The following DTNBP1 variants were observed in gnomAD, a reference collection of about 807,000 sequenced individuals.
DTNBP1 encodes dystrobrevin binding protein 1.
A neutral mutation model predicts 42.8 loss-of-function variants in DTNBP1; 35 were observed. The observed-to-expected ratio is 0.82, with a 90% CI of 0.63 to 1.09. DTNBP1 has a LOEUF of 1.09. Ranked by LOEUF, DTNBP1 falls within the 50% of genes least tolerant of loss-of-function variation. The pLI is 0.00. For missense variants in DTNBP1, 457 were observed against 424.2 expected (o/e 1.08, Z -0.68); for synonymous variants, 171 against 162.2 (o/e 1.05, Z -0.41).
intron 3 of DTNBP1, among the ~76,000 whole-genome samples, chr6:15,639,226 G>A (rs1426397324): frequency 2.0e-5 from 3 of 152,024 alleles, no homozygotes; most frequent in Non-Finnish European, 1.5e-5. Context: ...ATTGTACTGT[G>A]GTTATATGAA....
intron 6 of DTNBP1, among the ~76,000 whole-genome samples, chr6:15,607,285 C>T (rs1758125005): frequency 6.6e-6 from 1 of 151,344 alleles, no homozygotes; most frequent in East Asian, 1.9e-4. Flanking sequence ...AGGCATGAGC[C>T]ACTGTGCCCG....
Position 15,522,888 on chromosome 6 carries a change from C to T in DTNBP1, c.*87G>A. ...GCAATTATGTAAAAATCAAGAACCT[C>T]TATAAAACAACCTGGCTTTCCAGGT... On this transcript the variant is annotated 3_prime_UTR_variant, in exon 10 of 10. Transcript: ENST00000344537. 6.2e-7 allele frequency: 1 copy of T among 1,611,250 alleles called. No individual in the cohort carries two copies. Among genetic ancestry groups the T allele is most frequent in the Non-Finnish European group, 8.5e-7 (1 of 1,178,628 alleles).
intron 7 of DTNBP1, among the ~76,000 whole-genome samples, chr6:15,574,379 G>A (rs1055418039): frequency 3.9e-5 from 6 of 152,200 alleles, no homozygotes; most frequent in African/African-American, 1.4e-4. Flanking sequence ...GTATATGCAG[G>A]AGTTGCCTGG....
intron 7 of DTNBP1, among the ~76,000 whole-genome samples, chr6:15,590,944 T>C (rs959527089): frequency 2.6e-5 from 4 of 152,140 alleles, no homozygotes; most frequent in Non-Finnish European, 4.4e-5. Flanking sequence ...AATAAAGCAA[T>C]TGGAGGAAGT....
intron 2 of DTNBP1, among the ~76,000 whole-genome samples, chr6:15,651,712 G>C (rs1277336229): frequency 1.3e-5 from 2 of 152,058 alleles, no homozygotes; most frequent in Non-Finnish European, 2.9e-5. Context: ...GCACAATCCT[G>C]GTGTTTTCAT....
intron 7 of DTNBP1, among the ~76,000 whole-genome samples, chr6:15,582,646 T>C (rs781688915): frequency 6.6e-6 from 1 of 152,228 alleles, no homozygotes; most frequent in Non-Finnish European, 1.5e-5. Context: ...TCTTATTACA[T>C]ATACTTTTAT....
intron 8 of DTNBP1, among the ~76,000 whole-genome samples, chr6:15,528,435 C>T (rs1279804356): frequency 6.6e-6 from 1 of 152,042 alleles, no homozygotes; most frequent in East Asian, 1.9e-4. Flanking sequence ...CCAAATGTCC[C>T]CTTGGGGGCA....
At chr6:15,525,572 G>A (rs190558094) in intron 8 of DTNBP1, among the ~76,000 whole-genome samples, 33 of 152,270 alleles carry the variant, frequency 2.2e-4, no homozygotes, top group South Asian at 2.1e-4. Flanking sequence ...TCACAGGAAA[G>A]GTGAAGTCAA....
At chr6:15,659,222 A>T (rs868394308) in intron 1 of DTNBP1, among the ~76,000 whole-genome samples, 4 of 152,334 alleles carry the variant, frequency 2.6e-5, no homozygotes, top group Middle Eastern at 3.4e-3. Context: ...AAAAAAAGTA[A>T]ATTTATCTAG....
intron 8 of DTNBP1, 103 bp downstream of exon 8, chr6:15,533,137 A>G: frequency 6.4e-7 from 1 of 1,558,406 alleles, no homozygotes; most frequent in Non-Finnish European, 8.7e-7. Flanking sequence ...ACAGAACGGA[A>G]CTTCTGAGGA....
At chr6:15,662,735 G>C in intron 1 of DTNBP1, 79 bp downstream of exon 1, 12 of 1,584,170 alleles carry the variant, frequency 7.6e-6, no homozygotes, top group Non-Finnish European at 1.0e-5. Flanking sequence ...CGTGGCGCGG[G>C]GAAGGGAGCG....
chr6:15,546,892 C>T (rs1420799077), intron 7 of DTNBP1, among the ~76,000 whole-genome samples: 1 of 151,518 alleles, frequency 6.6e-6, no homozygotes, highest in East Asian at 1.9e-4. Flanking sequence ...TGCTAAAATG[C>T]CGCATGAAAT....
chr6:15,627,658 C>T (rs982700640), intron 4 of DTNBP1, among the ~76,000 whole-genome samples, 183 bp from the exon 5 acceptor site: 1 of 152,148 alleles, frequency 6.6e-6, no homozygotes, highest in Middle Eastern at 3.4e-3. Context: ...ATATTCAGTG[C>T]AGGAAACCTC....
intron 6 of DTNBP1, among the ~76,000 whole-genome samples, chr6:15,613,452 C>T (rs545929422): frequency 2.9e-5 from 4 of 138,274 alleles, no homozygotes; most frequent in African/African-American, 5.3e-5. Flanking sequence ...CTGCAAGCTG[C>T]GCCTCCCGGG....
intron 7 of DTNBP1, among the ~76,000 whole-genome samples, chr6:15,558,345 C>A (rs926060475): frequency 2.6e-5 from 4 of 151,220 alleles, no homozygotes; most frequent in African/African-American, 7.3e-5. Flanking sequence ...CAGCTCACTG[C>A]AACCTCTGCC....
chr6:15,656,371 T>C (rs1418880583), intron 1 of DTNBP1, among the ~76,000 whole-genome samples: 2 of 152,172 alleles, frequency 1.3e-5, no homozygotes, highest in Admixed American at 1.3e-4. Context: ...GCACTAAACC[T>C]CAAATTCGTC....
chr6:15,604,364 A>G (rs16876671), intron 6 of DTNBP1, among the ~76,000 whole-genome samples: 19,205 of 152,178 alleles, frequency 0.13, 1,542 homozygotes, highest in African/African-American at 0.23. Flanking sequence ...GCAGAACTGC[A>G]GAAGCTAGTT....
chr6:15,607,443 A>G (rs533302210), intron 6 of DTNBP1, among the ~76,000 whole-genome samples: 157 of 152,132 alleles, frequency 1.0e-3, no homozygotes, highest in African/African-American at 3.6e-3. Flanking sequence ...CTGGGATTAT[A>G]GGCATGCAAC....
intron 6 of DTNBP1, 75 bp from the exon 7 acceptor site, chr6:15,593,156 A>G (rs1432518891): frequency 7.3e-7 from 1 of 1,367,206 alleles, no homozygotes; most frequent in Non-Finnish European, 1.0e-6. Flanking sequence ...CTTCCATCAT[A>G]ATAAAAACTT....
Sources: allele counts gnomAD v4.1 joint callset (sites outside exome capture counted in the v4.1 genomes callset), GRCh38; gene constraint gnomAD v4.1.1; transcripts MANE v1.5; gene names NCBI Gene and HGNC (gene_info 2026-07-23, HGNC 2026-07-21).